The following CCDC177 variants were observed in gnomAD, a reference collection of about 807,000 sequenced individuals.
CCDC177 encodes the protein coiled-coil domain-containing protein 177.
Under a neutral mutation model 7.3 loss-of-function variants are expected in CCDC177, and 2 were observed. That is an observed-to-expected ratio of 0.28 (90% CI 0.11 to 0.87). The LOEUF is 0.87. CCDC177 is among the 40% of genes least tolerant of loss of function. CCDC177 has a pLI of 0.61. For missense variants in CCDC177, 874 were observed against 970.5 expected, an observed-to-expected ratio of 0.90 and a Z score of 1.32; for synonymous variants, 401 against 449.2, an observed-to-expected ratio of 0.89 and a Z score of 1.36.
In CCDC177 at chr14:69,573,362, G is replaced by T; in HGVS notation, c.261C>A (p.Ser87Arg). 3.2e-6 allele frequency: 4 copies of T among 1,231,384 alleles called. No individual in the cohort carries two copies. The highest frequency in any genetic ancestry group is 4.0e-6 in the Non-Finnish European group (4 of 987,706). 76.3% of individuals were successfully genotyped at this position (1,231,384 alleles called of 1,614,324 possible). Residue 87 changes from serine to arginine, a missense_variant, in exon 2 of 2, where the codon AGC (serine) becomes AGA (arginine). Ser to Arg is a moderately radical substitution (Grantham distance 110). Transcript: ENST00000599174. The stretch of plus-strand genomic sequence containing the variant: ...AGCGGGGGCTGGTCAGCACGTAGCG[G>T]CTGCCCTCCGCCTCTGGGCAGTCGA... Reference protein sequence around the residue: ...FNFDCPEAEGSRYVLTSPRSL... With the variant: ...FNFDCPEAEGRRYVLTSPRSL...
Position 69,570,757 on chromosome 14 carries a change from T to G in CCDC177, c.*742A>C. ...AGGGGCTGGGGGTTTCTATTAAAGCTAAACAGCATCACCAAACCAACCAAT... is the reference window on the plus strand; with the variant it reads ...AGGGGCTGGGGGTTTCTATTAAAGCGAAACAGCATCACCAAACCAACCAAT... On this transcript the variant is annotated 3_prime_UTR_variant, in exon 2 of 2. Coordinates refer to ENST00000599174, the MANE Select transcript of CCDC177 (RefSeq NM_001271507.2). The G allele has an allele frequency of 2.2e-6, 1 of 456,768 alleles. No individual in the cohort carries two copies. The highest frequency in any genetic ancestry group is 4.4e-6 in the Non-Finnish European group (1 of 226,474). The allele number at this position is 456,768 out of a possible 1,614,324, so 28.3% of individuals were successfully genotyped here. A position where few individuals can be genotyped will look rare whatever the true frequency, so the allele number is the denominator to read the frequency against.
At position 69,572,603 on chromosome 14, in the gene CCDC177, C is replaced by T. The variant is rs1426264925; in HGVS notation, c.1020G>A (p.Lys340=). ...GLRGVPERDR[K]IAALMLARHQ... ...GCCGCGCCAGCATGAGCGCCGCGATCTTCCGGTCACGCTCCGGCACCCCGC... is the reference window on the plus strand; with the variant it reads ...GCCGCGCCAGCATGAGCGCCGCGATTTTCCGGTCACGCTCCGGCACCCCGC... Residue 340 remains lysine, a synonymous_variant, in exon 2 of 2, where the codon AAG becomes AAA. Transcript: ENST00000599174. 3 of 1,231,154 alleles carry T rather than the reference C, an allele frequency of 2.4e-6. No homozygotes were observed. Among genetic ancestry groups the T allele is most frequent in the African/African-American group, 3.1e-5 (2 of 64,412 alleles). The allele number at this position is 1,231,154 out of a possible 1,614,324, so 76.3% of individuals were successfully genotyped here.
Position 69,572,637 on chromosome 14 carries a change from C to T in CCDC177, c.986G>A (p.Arg329His). 3 of 1,231,292 alleles carry T rather than the reference C, an allele frequency of 2.4e-6. No individual in the cohort carries two copies. Among genetic ancestry groups the T allele is most frequent in the East Asian group, 3.2e-5 (1 of 31,686 alleles). 76.3% of individuals were successfully genotyped at this position (1,231,292 alleles called of 1,614,324 possible). A position where few individuals can be genotyped will look rare whatever the true frequency, so the allele number is the denominator to read the frequency against. The change falls in exon 2 of 2, where the codon CGC (arginine) becomes CAC (histidine). Residue 329 changes from arginine to histidine, a missense_variant. By Grantham distance (29) the Arg-to-His change is conservative. Transcript: ENST00000599174. ...ACGCTCCGGCACCCCGCGCAGGCCG[C>T]GCTCTGCACGCACTTGACGCACGAT... The part of the protein sequence containing the change: ...ERIVRQVRAE[R>H]GLRGVPERDR...
Position 69,572,832 on chromosome 14 carries a change from C to T in CCDC177, c.791G>A (p.Arg264His). 8.1e-7 allele frequency: 1 copy of T among 1,231,288 alleles called. No homozygotes were observed. 76.3% of individuals were successfully genotyped at this position (1,231,288 alleles called of 1,614,324 possible). A position where few individuals can be genotyped will look rare whatever the true frequency, so the allele number is the denominator to read the frequency against. ...CCTGGCCGAGGCCCGAGGCGGCCAG[C>T]GCAGCTCCCTCAAGCTTTCCCCACT... ...SYSGESLREL[R>H]WPPRASARNS... The change falls in exon 2 of 2, where the codon CGC (arginine) becomes CAC (histidine). Residue 264 changes from arginine to histidine, a missense_variant. By Grantham distance (29) the Arg-to-His change is conservative. Coordinates refer to ENST00000599174, the MANE Select transcript of CCDC177 (RefSeq NM_001271507.2).
In CCDC177 at chr14:69,572,816, G is replaced by A. The variant is rs538880886; in HGVS notation, c.807C>T (p.Ala269=). 5.7e-6 allele frequency: 7 copies of A among 1,231,466 alleles called. No individual in the cohort carries two copies. The East Asian group carries it at 1.6e-4, about 28-fold the overall frequency. 76.3% of individuals were successfully genotyped at this position (1,231,466 alleles called of 1,614,324 possible). ...SLRELRWPPR[A]SARNSCPAGS... ...CCGCTGGGCAGCTGTTCCTGGCCGA[G>A]GCCCGAGGCGGCCAGCGCAGCTCCC... Residue 269 remains alanine, a synonymous_variant, in exon 2 of 2, where the codon GCC becomes GCT. Transcript: ENST00000599174.
chr14:69,573,959 A>T (rs774821693), intron 1 of CCDC177, among the ~76,000 whole-genome samples: 3 of 152,204 alleles, frequency 2.0e-5, no homozygotes, highest in Admixed American at 6.5e-5. Flanking sequence ...GCTGCAAGTT[A>T]AGATGAAAAG....
chr14:69,572,294 C>T lies in CCDC177; in HGVS notation c.1329G>A (p.Ala443=). The part of the protein sequence containing the change: ...ERQGLLRRER[A]ERAAREDRLR... ...GCCGATCCTCCCGGGCCGCGCGCTC[C>T]GCCCGCTCCCGCCGCAGGAGGCCCT... The change falls in exon 2 of 2, where the codon GCG becomes GCA. Residue 443 remains alanine, a synonymous_variant. Coordinates refer to ENST00000599174, the MANE Select transcript of CCDC177 (RefSeq NM_001271507.2). The T allele has an allele frequency of 8.1e-7, 1 of 1,227,542 alleles. No homozygotes were observed. The highest frequency in any genetic ancestry group is 1.0e-6 in the Non-Finnish European group (1 of 985,510). The allele number at this position is 1,227,542 out of a possible 1,614,324, so 76.0% of individuals were successfully genotyped here.
Position 69,571,719 on chromosome 14 carries a change from TC to T in CCDC177, c.1903del (p.Asp635ThrfsTer23), listed in dbSNP as rs1204529908. 11 of 1,231,636 alleles carry T rather than the reference TC, an allele frequency of 8.9e-6. No homozygotes were observed. The highest frequency in any genetic ancestry group is 1.1e-5 in the Non-Finnish European group (11 of 988,110). The allele number at this position is 1,231,636 out of a possible 1,614,324, so 76.3% of individuals were successfully genotyped here. A position where few individuals can be genotyped will look rare whatever the true frequency, so the allele number is the denominator to read the frequency against. ...QRANKEKVER[D>X]EDCRRRELLQ... is the part of the protein sequence containing the mutation. ...TAGCTCTCGCCGGCGGCAGTCTTCG[TC>T]CCTCTCCACCTTCTCCTTGTTGGCG... is the stretch of plus-strand genomic sequence containing the variant. On this transcript the variant is annotated frameshift_variant, in exon 2 of 2. Transcript: ENST00000599174. LOFTEE classifies it high-confidence loss of function.
In CCDC177 at chr14:69,574,715, C is replaced by T. The variant is rs1433723015; in HGVS notation, c.-202G>A. On this transcript the variant is annotated 5_prime_UTR_variant, in exon 1 of 2. Transcript: ENST00000599174. ...CTCCATGGGGTCTGCGAACAGGGCG[C>T]ACGCACCCCAGATGCTACCTACACG... is the stretch of plus-strand genomic sequence containing the variant. 1 of 152,210 alleles carries T rather than the reference C, an allele frequency of 6.6e-6. No homozygotes were observed. Among genetic ancestry groups the T allele is most frequent in the Non-Finnish European group, 1.5e-5 (1 of 68,062 alleles). The allele number at this position is 152,210 out of a possible 1,614,324, so 9.4% of individuals were successfully genotyped here.
chr14:69,572,699 C>T lies in CCDC177; in HGVS notation c.924G>A (p.Leu308=), dbSNP rs986651367. The part of the protein sequence containing the change: ...ITGRSFSLGD[L]SHSPQTAQHV... Reference sequence around the variant, plus strand: ...GCTGAGCGGTCTGCGGCGAATGGCTCAGGTCGCCGAGGCTGAAGCTGCGGC... The same window carrying T: ...GCTGAGCGGTCTGCGGCGAATGGCTTAGGTCGCCGAGGCTGAAGCTGCGGC... Residue 308 remains leucine, a synonymous_variant, in exon 2 of 2, where the codon CTG becomes CTA. Transcript: ENST00000599174. 2 of 1,231,376 alleles carry T rather than the reference C, an allele frequency of 1.6e-6. No homozygotes were observed. The highest frequency in any genetic ancestry group is 2.0e-6 in the Non-Finnish European group (2 of 987,786). The allele number at this position is 1,231,376 out of a possible 1,614,324, so 76.3% of individuals were successfully genotyped here.
chr14:69,572,092 G>C lies in CCDC177; in HGVS notation c.1531C>G (p.Arg511Gly). Residue 511 changes from arginine (R) to glycine (G), a missense_variant, in exon 2 of 2, where the codon CGC (arginine) becomes GGC (glycine). Arg to Gly is a moderately radical substitution (Grantham distance 125, BLOSUM62 -2). Transcript: ENST00000599174. ...KRELSRAERA[R>G]HEALLQGRTR... ...CGACCCTGTAGCAGCGCCTCGTGGCGCGCCCGCTCGGCCCGGCTCAGCTCC... is the reference window on the plus strand; with the variant it reads ...CGACCCTGTAGCAGCGCCTCGTGGCCCGCCCGCTCGGCCCGGCTCAGCTCC... The C allele has an allele frequency of 2.4e-6, 3 of 1,230,636 alleles. No individual in the cohort carries two copies. Among genetic ancestry groups the C allele is most frequent in the Non-Finnish European group, 3.0e-6 (3 of 987,198 alleles). 76.2% of individuals were successfully genotyped at this position (1,230,636 alleles called of 1,614,324 possible).
Position 69,572,945 on chromosome 14 carries a change from T to G in CCDC177, c.678A>C (p.Thr226=). 1 of 1,231,248 alleles carries G rather than the reference T, an allele frequency of 8.1e-7. No homozygotes were observed. The highest frequency in any genetic ancestry group is 1.0e-6 in the Non-Finnish European group (1 of 987,672). 76.3% of individuals were successfully genotyped at this position (1,231,248 alleles called of 1,614,324 possible). The change falls in exon 2 of 2, where the codon ACA becomes ACC. Residue 226 remains threonine (T), a synonymous_variant. Transcript: ENST00000599174. ...RTQPPPAGSR[T]GRKSHSLDSL... is the part of the protein sequence containing the mutation. ...AGTCCAGCGAATGGCTCTTCCTGCC[T>G]GTTCGAGAACCCGCTGGCGGAGGTT...
At chr14:69,573,746 G>A in intron 1 of CCDC177, 96 bp from the exon 2 acceptor site, 1 of 1,104,198 alleles carries the variant, frequency 9.1e-7, no homozygotes, top group Non-Finnish European at 1.1e-6. Flanking sequence ...TCCGCTTTCG[G>A]ATTAGGCTCA....
Position 69,572,935 on chromosome 14 carries a change from T to C in CCDC177, c.688A>G (p.Ser230Gly), listed in dbSNP as rs1884363476. 2 of 1,231,122 alleles carry C rather than the reference T, an allele frequency of 1.6e-6. No homozygotes were observed. Among genetic ancestry groups the C allele is most frequent in the Non-Finnish European group, 2.0e-6 (2 of 987,702 alleles). 76.3% of individuals were successfully genotyped at this position (1,231,122 alleles called of 1,614,324 possible). A position where few individuals can be genotyped will look rare whatever the true frequency, so the allele number is the denominator to read the frequency against. The change falls in exon 2 of 2, where the codon AGC becomes GGC. Residue 230 changes from serine (S) to glycine (G), a missense_variant. Physicochemically the swap from Ser to Gly is moderately conservative, Grantham distance 56 (BLOSUM62 0). Transcript: ENST00000599174. ...CGGGACAGTGAGTCCAGCGAATGGC[T>C]CTTCCTGCCTGTTCGAGAACCCGCT... ...PPAGSRTGRK[S>G]HSLDSLSRRR...
Position 69,572,522 on chromosome 14 carries a change from C to T in CCDC177, c.1101G>A (p.Glu367=). 8.1e-7 allele frequency: 1 copy of T among 1,231,076 alleles called. No individual in the cohort carries two copies. The highest frequency in any genetic ancestry group is 1.0e-6 in the Non-Finnish European group (1 of 987,516). The allele number at this position is 1,231,076 out of a possible 1,614,324, so 76.3% of individuals were successfully genotyped here. The change falls in exon 2 of 2, where the codon GAG becomes GAA. Residue 367 remains glutamate (E), a synonymous_variant. Transcript: ENST00000599174. The stretch of plus-strand genomic sequence containing the variant: ...GCTGCTTGGCGTGCACGCGCTGCAG[C>T]TCCCACTGGCCGTGGGCAGCCGCGC... ...EQRAAAHGQW[E]LQRVHAKQRR...
At position 69,573,098 on chromosome 14, in the gene CCDC177, G is replaced by A. The variant is rs1349449496; in HGVS notation, c.525C>T (p.Ala175=). Reference sequence around the variant, plus strand: ...TCGGGGCCGAGGCCGCGGCGGCGGCGGCGGCGGCGGCGGCCGCGGGGCTCA... The same window carrying A: ...TCGGGGCCGAGGCCGCGGCGGCGGCAGCGGCGGCGGCGGCCGCGGGGCTCA... The part of the protein sequence containing the change: ...TPLSPAAAAA[A]AAAAASAPSA... The change falls in exon 2 of 2, where the codon GCC becomes GCT. Residue 175 remains alanine (A), a synonymous_variant. Coordinates refer to ENST00000599174, the MANE Select transcript of CCDC177 (RefSeq NM_001271507.2). 6.3e-4 allele frequency: 762 copies of A among 1,215,360 alleles called. 4 individuals are homozygous for A. The African/African-American group carries it at 0.011, about 17-fold the overall frequency. 75.3% of individuals were successfully genotyped at this position (1,215,360 alleles called of 1,614,324 possible).
In CCDC177 at chr14:69,574,655, C is replaced by A. The variant is rs1372008223; in HGVS notation, c.-142G>T. 6.6e-6 allele frequency: 1 copy of A among 152,184 alleles called. No individual in the cohort carries two copies. Among genetic ancestry groups the A allele is most frequent in the African/African-American group, 2.4e-5 (1 of 41,426 alleles). The allele number at this position is 152,184 out of a possible 1,614,324, so 9.4% of individuals were successfully genotyped here. ...GGGTCGGGTTACTGCCGGCTGCAACCGTGAAAGGAGCCCCATCTGCCGCCG... is the reference window on the plus strand; with the variant it reads ...GGGTCGGGTTACTGCCGGCTGCAACAGTGAAAGGAGCCCCATCTGCCGCCG... On this transcript the variant is annotated 5_prime_UTR_variant, in exon 1 of 2. Transcript: ENST00000599174.
chr14:69,573,613 G>A lies in CCDC177; in HGVS notation c.10C>T (p.Pro4Ser). 4.9e-6 allele frequency: 6 copies of A among 1,231,858 alleles called. No homozygotes were observed. Among genetic ancestry groups the A allele is most frequent in the Non-Finnish European group, 5.1e-6 (5 of 988,042 alleles). The allele number at this position is 1,231,858 out of a possible 1,614,324, so 76.3% of individuals were successfully genotyped here. The change falls in exon 2 of 2, where the codon CCA becomes TCA. Residue 4 changes from proline (P) to serine (S), a missense_variant. By Grantham distance (74) the Pro-to-Ser change is moderately conservative. Transcript: ENST00000599174. ...CCTGCCTTCTCTTCTTCAGGCACTG[G>A]GTCCACCATGGCTGAGCCCCGTCCT... MVD[P>S]VPEEEKAGAE...
In CCDC177 at chr14:69,572,673, T is replaced by A; in HGVS notation, c.950A>T (p.His317Leu). The A allele has an allele frequency of 8.1e-7, 1 of 1,231,356 alleles. No homozygotes were observed. The highest frequency in any genetic ancestry group is 1.5e-5 in the African/African-American group (1 of 64,536). The allele number at this position is 1,231,356 out of a possible 1,614,324, so 76.3% of individuals were successfully genotyped here. A position where few individuals can be genotyped will look rare whatever the true frequency, so the allele number is the denominator to read the frequency against. ...DLSHSPQTAQ[H>L]VERIVRQVRA... is the part of the protein sequence containing the mutation. The stretch of plus-strand genomic sequence containing the variant: ...CACTTGACGCACGATGCGCTCCACG[T>A]GCTGAGCGGTCTGCGGCGAATGGCT... Residue 317 changes from histidine (H) to leucine (L), a missense_variant, in exon 2 of 2, where the codon CAC (histidine) becomes CTC (leucine). By Grantham distance (99) the His-to-Leu change is moderately conservative. Transcript: ENST00000599174.
Sources: gnomAD v4.1 joint callset for allele counts (sites outside exome capture counted in the v4.1 genomes callset) on GRCh38, gnomAD v4.1.1 for gene constraint, MANE v1.5 for transcripts, NCBI Gene and HGNC (gene_info 2026-07-23, HGNC 2026-07-21) for gene names.